Variants in SLC36A1 observed in about 807,000 individuals in gnomAD.
The protein encoded by SLC36A1 is proton-coupled amino acid transporter 1.
A neutral mutation model predicts 47.5 loss-of-function variants in SLC36A1; 30 were observed. The ratio of observed to expected loss-of-function variants is 0.63; its 90% CI spans 0.47 to 0.86. The LOEUF (loss-of-function observed/expected upper bound fraction) is 0.86. Ranked by LOEUF, SLC36A1 falls within the 40% of genes least tolerant of loss-of-function variation. The pLI is 0.00. For missense variants in SLC36A1, 517 were observed against 606.0 expected (o/e 0.85, Z 1.54); for synonymous variants, 255 against 249.7 (o/e 1.02, Z -0.20).
chr5:151,433,562 A>T (rs1443181220), upstream of SLC36A1, among the ~76,000 whole-genome samples: 1 of 151,400 alleles, frequency 6.6e-6, no homozygotes. Context: ...AAGTGCTGGG[A>T]TTACAGGCCT....
chr5:151,485,968 G>A (rs527881549), intron 10 of SLC36A1, among the ~76,000 whole-genome samples: 1 of 152,326 alleles, frequency 6.6e-6, no homozygotes, highest in Admixed American at 6.5e-5. Context: ...CACAGCTCCA[G>A]GGTAAGTGTG....
At chr5:151,533,888 T>G in the SLC36A1 span, among the ~76,000 whole-genome samples, 24 of 152,224 alleles carry the variant, frequency 1.6e-4, no homozygotes, top group African/African-American at 5.8e-4. Context: ...TATGTTTGAA[T>G]GAATGCAATT....
Position 151,462,938 on chromosome 5 carries a change from C to T in SLC36A1, c.144-615C>T, listed in dbSNP as rs563180586. Among the ~76,000 whole-genome samples, 325 of 151,638 alleles carry T rather than the reference C, an allele frequency of 2.1e-3. 1 individual carries two copies. The highest frequency in any genetic ancestry group is 3.7e-3 in the Admixed American group (56 of 15,230). ...TTGCCTAGGCTGGAGTACAGTGGCACGATCTTAACTCACTGCAACCTCTGC... is the reference window on the plus strand; with the variant it reads ...TTGCCTAGGCTGGAGTACAGTGGCATGATCTTAACTCACTGCAACCTCTGC... On this transcript the variant is annotated intron_variant, in intron 2 of 10. Transcript: ENST00000243389.
At chr5:151,366,225 T>C in the SLC36A1 span, among the ~76,000 whole-genome samples, 1 of 152,284 alleles carries the variant, frequency 6.6e-6, no homozygotes, top group South Asian at 2.1e-4. Flanking sequence ...ATCTCAGGAA[T>C]AGAACTCAGA....
the SLC36A1 span, among the ~76,000 whole-genome samples, chr5:151,418,569 CTTTG>C: frequency 6.6e-6 from 1 of 152,164 alleles, no homozygotes; most frequent in Non-Finnish European, 1.5e-5. Context: ...CCTGTAGCCC[CTTTG>C]TTTGGCCAAT....
At chr5:151,510,219 G>C in the SLC36A1 span, 1 of 1,599,888 alleles carries the variant, frequency 6.3e-7, no homozygotes, top group Non-Finnish European at 8.5e-7. Context: ...TGGCCTAGCA[G>C]TTAAAGGAGA....
At chr5:151,474,208 G>A (rs933898585) in intron 8 of SLC36A1, among the ~76,000 whole-genome samples, 1 of 147,944 alleles carries the variant, frequency 6.8e-6, no homozygotes, top group Non-Finnish European at 1.5e-5. Flanking sequence ...TCACTGGTCA[G>A]TTAGTGAATA....
chr5:151,433,266 ATTTTTTTTTTTTTTTTTTTT>A (rs869250950), upstream of SLC36A1, among the ~76,000 whole-genome samples: 1 of 9,404 alleles, frequency 1.1e-4, no homozygotes, highest in Non-Finnish European at 2.0e-4. Context: ...ATATATATAT[ATTTTTTTTTTTTTTTTTTTT>A]TTTTTTTTTT....
chr5:151,543,801 G>C, the SLC36A1 span: 2 of 1,614,054 alleles, frequency 1.2e-6, no homozygotes, highest in East Asian at 2.2e-5. Context: ...GGTGCTTTTT[G>C]CAAAGGTTGA....
chr5:151,513,152 T>C, the SLC36A1 span, among the ~76,000 whole-genome samples: 1 of 152,234 alleles, frequency 6.6e-6, no homozygotes, highest in Non-Finnish European at 1.5e-5. Context: ...AACTGATGAA[T>C]GCAGAAGTAA....
chr5:151,549,658 C>T, the SLC36A1 span, among the ~76,000 whole-genome samples: 5 of 152,148 alleles, frequency 3.3e-5, no homozygotes, highest in Non-Finnish European at 7.3e-5. Flanking sequence ...AATCTATATG[C>T]TCTTTTTCTT....
chr5:151,467,575 T>TC, intron 6 of SLC36A1, 132 bp from the exon 7 acceptor site: 1 of 741,640 alleles, frequency 1.3e-6, no homozygotes, highest in African/African-American at 1.7e-5. Flanking sequence ...TAAAGATGGC[T>TC]CACTGGCCAC....
At chr5:151,540,009 G>A in the SLC36A1 span, among the ~76,000 whole-genome samples, 2 of 152,364 alleles carry the variant, frequency 1.3e-5, no homozygotes, top group South Asian at 2.1e-4. Flanking sequence ...GTTTGTCTGG[G>A]GTCAGGTCTC....
chr5:151,536,805 G>C, the SLC36A1 span, among the ~76,000 whole-genome samples: 1 of 152,202 alleles, frequency 6.6e-6, no homozygotes, highest in South Asian at 2.1e-4. Context: ...TCTTGGCCAT[G>C]ACACTCACCT....
At chr5:151,536,162 T>A in the SLC36A1 span, among the ~76,000 whole-genome samples, 2 of 152,160 alleles carry the variant, frequency 1.3e-5, no homozygotes, top group African/African-American at 4.8e-5. Context: ...AGTTTCTGCA[T>A]AATACATACC....
In SLC36A1 at chr5:151,458,935, C is replaced by T. The variant is rs141158515; in HGVS notation, c.143C>T (p.Thr48Ile). The part of the protein sequence containing the change: ...YQRFGQSNST[T>I]WFQTLIHLLK... ...CGCTTTGGTCAAAGCAATAGCACAACGTGAGTAGCTGTTACCTTCTCCTCT... is the reference window on the plus strand; with the variant it reads ...CGCTTTGGTCAAAGCAATAGCACAATGTGAGTAGCTGTTACCTTCTCCTCT... The change falls in exon 2 of 11, where the codon ACA becomes ATA. Residue 48 changes from threonine to isoleucine, a missense_variant and splice_region_variant. By Grantham distance (89) the Thr-to-Ile change is moderately conservative. Coordinates refer to ENST00000243389, the MANE Select transcript of SLC36A1 (RefSeq NM_078483.4). 4.6e-5 allele frequency: 74 copies of T among 1,607,774 alleles called. No homozygotes were observed. Among genetic ancestry groups the T allele is most frequent in the African/African-American group, 6.7e-5 (5 of 74,834 alleles).
At chr5:151,396,072 A>C in the SLC36A1 span, among the ~76,000 whole-genome samples, 19 of 151,770 alleles carry the variant, frequency 1.3e-4, no homozygotes, top group Non-Finnish European at 2.6e-4. Flanking sequence ...GGCCTCCCAA[A>C]GTGCTGGGAT....
chr5:151,527,411 A>G, the SLC36A1 span: 1 of 1,552,754 alleles, frequency 6.4e-7, no homozygotes, highest in Non-Finnish European at 8.7e-7. Context: ...GTTAGCAATG[A>G]GGTAGCTGTC....
the SLC36A1 span, chr5:151,551,699 G>A: frequency 9.5e-6 from 13 of 1,367,872 alleles, no homozygotes; most frequent in East Asian, 2.3e-5. Context: ...CAGAGGACAC[G>A]GTGGTAAATT....
Sources: allele counts gnomAD v4.1 joint callset (sites outside exome capture counted in the v4.1 genomes callset), GRCh38; gene constraint gnomAD v4.1.1; transcripts MANE v1.5; gene names NCBI Gene and HGNC (gene_info 2026-07-23, HGNC 2026-07-21).